CHST8: variants seen among roughly 807,000 people sequenced by gnomAD.
CHST8 encodes GALNAC-4-ST1.
A neutral mutation model predicts 15.0 loss-of-function variants in CHST8; 10 were observed. The ratio of observed to expected loss-of-function variants is 0.67; its 90% CI spans 0.41 to 1.13. The LOEUF is 1.13. Ranked by LOEUF, CHST8 falls within the 50% of genes most tolerant of loss-of-function variation. The probability of loss-of-function intolerance (pLI) is 0.00; values close to 1 mark genes in which losing one functional copy is unlikely to be tolerated. For synonymous variants in CHST8, 259 were observed against 256.6 expected (o/e 1.01, Z -0.09); for missense variants, 634 against 608.2 (o/e 1.04, Z -0.45).
chr19:33,650,638 T>C (rs1278502917), intron 1 of CHST8, among the ~76,000 whole-genome samples: 2 of 147,926 alleles, frequency 1.4e-5, no homozygotes, highest in Non-Finnish European at 3.0e-5. Flanking sequence ...TTCAAACCAT[T>C]CTCGTGCCTC....
chr19:33,746,939 C>T (rs545746779), intron 3 of CHST8, among the ~76,000 whole-genome samples: 4 of 151,978 alleles, frequency 2.6e-5, no homozygotes, highest in African/African-American at 4.8e-5. Context: ...TAAATCAGGG[C>T]GATGGTAATT....
chr19:33,770,349 G>T (rs974592346), intron 3 of CHST8, among the ~76,000 whole-genome samples: 3 of 152,214 alleles, frequency 2.0e-5, no homozygotes, highest in African/African-American at 7.2e-5. Flanking sequence ...CTCCTTAAGG[G>T]ATAGCTGGCT....
chr19:33,766,938 C>T (rs73037005), intron 3 of CHST8, among the ~76,000 whole-genome samples: 18,069 of 152,292 alleles, frequency 0.12, 1,208 homozygotes, highest in Admixed American at 0.15. Context: ...CCAAGAAGCA[C>T]GACTCAAACT....
At chr19:33,751,135 C>G (rs560517958) in intron 3 of CHST8, among the ~76,000 whole-genome samples, 1 of 152,286 alleles carries the variant, frequency 6.6e-6, no homozygotes. Context: ...GGCCAAAAAG[C>G]CTTCCCAGCA....
chr19:33,739,777 GA>G, intron 3 of CHST8, among the ~76,000 whole-genome samples: 1 of 152,278 alleles, frequency 6.6e-6, no homozygotes, highest in Non-Finnish European at 1.5e-5. Context: ...TAAGAGTGGA[GA>G]ATGAGAGCTC....
intron 1 of CHST8, among the ~76,000 whole-genome samples, chr19:33,651,665 C>T (rs1972450718): frequency 6.6e-6 from 1 of 152,096 alleles, no homozygotes; most frequent in Non-Finnish European, 1.5e-5. Flanking sequence ...TGGATGCAAA[C>T]ACTTCAAGAG....
chr19:33,731,464 G>C (rs745999448), intron 3 of CHST8, among the ~76,000 whole-genome samples: 1 of 152,148 alleles, frequency 6.6e-6, no homozygotes, highest in African/African-American at 2.4e-5. Context: ...TATAATTAGC[G>C]TATAATAAGC....
intron 3 of CHST8, among the ~76,000 whole-genome samples, chr19:33,736,984 A>AC: frequency 6.6e-6 from 1 of 152,128 alleles, no homozygotes; most frequent in African/African-American, 2.4e-5. Flanking sequence ...CTAAGATGCT[A>AC]ATTATAATAC....
Position 33,772,855 on chromosome 19 carries a change from A to G in CHST8, c.1067A>G (p.Asn356Ser). Reference sequence around the variant, plus strand: ...TTCGAGAGCATGGAGGACGATGCCAACTTCTTCCTGAGCCTCATCCGCGCG... The same window carrying G: ...TTCGAGAGCATGGAGGACGATGCCAGCTTCTTCCTGAGCCTCATCCGCGCG... ...GKFESMEDDA[N>S]FFLSLIRAPR... Residue 356 changes from asparagine to serine, a missense_variant, in exon 5 of 5, where the codon AAC (asparagine) becomes AGC (serine). Coordinates refer to ENST00000650847, the MANE Select transcript of CHST8 (RefSeq NM_001127895.2). The G allele has an allele frequency of 6.8e-6, 11 of 1,613,482 alleles. No individual in the cohort carries two copies. The highest frequency in any genetic ancestry group is 9.3e-6 in the Non-Finnish European group (11 of 1,180,034).
chr19:33,730,987 C>G (rs1336056184), intron 3 of CHST8, among the ~76,000 whole-genome samples: 1 of 152,218 alleles, frequency 6.6e-6, no homozygotes, highest in African/African-American at 2.4e-5. Flanking sequence ...CAGTCAAGTT[C>G]TGCCTGCTTT....
intron 3 of CHST8, among the ~76,000 whole-genome samples, chr19:33,743,483 A>G (rs952800626): frequency 6.6e-6 from 1 of 151,494 alleles, no homozygotes; most frequent in South Asian, 2.1e-4. Context: ...TTCTATTTTT[A>G]GTAGAGACGG....
intron 3 of CHST8, among the ~76,000 whole-genome samples, chr19:33,690,855 C>T (rs1973088407): frequency 6.6e-6 from 1 of 152,226 alleles, no homozygotes. Flanking sequence ...TACCTAAGGT[C>T]ATGTGTTATC....
At chr19:33,695,221 C>T (rs1973187726) in intron 3 of CHST8, among the ~76,000 whole-genome samples, 1 of 152,142 alleles carries the variant, frequency 6.6e-6, no homozygotes, top group South Asian at 2.1e-4. Flanking sequence ...GCTGAGATTA[C>T]AGGTGTGAGC....
intron 2 of CHST8, among the ~76,000 whole-genome samples, chr19:33,687,507 C>G (rs1973002373): frequency 6.6e-6 from 1 of 152,200 alleles, no homozygotes; most frequent in Non-Finnish European, 1.5e-5. Flanking sequence ...AGAGACAAAA[C>G]AGGCCCAGCT....
intron 3 of CHST8, among the ~76,000 whole-genome samples, chr19:33,733,302 T>G (rs1974027043): frequency 6.6e-6 from 1 of 151,274 alleles, no homozygotes; most frequent in Non-Finnish European, 1.5e-5. Context: ...GACATGATCT[T>G]GGCTCACTGA....
chr19:33,726,827 C>T (rs1284349568), intron 3 of CHST8, among the ~76,000 whole-genome samples: 2 of 152,054 alleles, frequency 1.3e-5, no homozygotes, highest in South Asian at 4.1e-4. Flanking sequence ...GCTGAGGGGA[C>T]AGTGCATGCC....
intron 3 of CHST8, among the ~76,000 whole-genome samples, chr19:33,738,410 C>T (rs967566090): frequency 6.6e-6 from 1 of 152,192 alleles, no homozygotes; most frequent in African/African-American, 2.4e-5. Context: ...CCAGTAGGCC[C>T]TGGGCAGAGA....
rs267605417 is a variant in CHST8, at chr19:33,772,683, G to A, written c.895G>A (p.Ala299Thr). Residue 299 changes from alanine to threonine, a missense_variant, in exon 5 of 5, where the codon GCC (alanine) becomes ACC (threonine). Physicochemically the swap from Ala to Thr is moderately conservative, Grantham distance 58. Coordinates refer to ENST00000650847, the MANE Select transcript of CHST8 (RefSeq NM_001127895.2). ...ARYRANASRE[A>T]LRTGSGVRFP... is the part of the protein sequence containing the mutation. ...GTACCGCGCCAATGCCTCTCGGGAG[G>A]CCCTGCGGACCGGCTCTGGGGTGCG... 3.1e-6 allele frequency: 5 copies of A among 1,613,740 alleles called. No homozygotes were observed. The highest frequency in any genetic ancestry group is 4.2e-6 in the Non-Finnish European group (5 of 1,180,036).
chr19:33,665,502 G>A (rs889822755), intron 1 of CHST8, among the ~76,000 whole-genome samples: 1 of 152,188 alleles, frequency 6.6e-6, no homozygotes, highest in Non-Finnish European at 1.5e-5. Context: ...ATGGGCCACA[G>A]TTTGCCGAAC....
Sources: gnomAD v4.1 joint callset for allele counts (sites outside exome capture counted in the v4.1 genomes callset) on GRCh38, gnomAD v4.1.1 for gene constraint, MANE v1.5 for transcripts, NCBI Gene and HGNC (gene_info 2026-07-23, HGNC 2026-07-21) for gene names.